PLEKHH2: variants seen among roughly 807,000 people sequenced by gnomAD.
PLEKHH2 encodes pleckstrin homology domain-containing family H member 2.
In PLEKHH2, 129 loss-of-function variants were observed where a neutral mutation model predicts 187.9. The ratio of observed to expected loss-of-function variants is 0.69; its 90% CI spans 0.59 to 0.79. PLEKHH2 has a LOEUF of 0.79. PLEKHH2 is among the 30% of genes least tolerant of loss of function. The pLI, the probability that PLEKHH2 is intolerant of heterozygous loss-of-function variation, is 0.00. For missense variants in PLEKHH2, 2,076 were observed against 1,751.2 expected (o/e 1.19, Z -3.31); for synonymous variants, 686 against 605.6 (o/e 1.13, Z -1.95).
At chr2:43,749,124 T>C (rs17414390) in intron 24 of PLEKHH2, among the ~76,000 whole-genome samples, 9,154 of 152,280 alleles carry the variant, frequency 0.06, 385 homozygotes, top group Non-Finnish European at 0.09. Flanking sequence ...ATGATGGCTA[T>C]GATTGGAACT....
At chr2:43,733,133 C>A (rs377504110) in intron 19 of PLEKHH2, among the ~76,000 whole-genome samples, 6 of 152,072 alleles carry the variant, frequency 3.9e-5, no homozygotes, top group Non-Finnish European at 8.8e-5. Flanking sequence ...AAGGCCGAGG[C>A]GGGCAGATCA....
chr2:43,729,828 A>G, intron 18 of PLEKHH2, 83 bp downstream of exon 18: 1 of 872,966 alleles, frequency 1.1e-6, no homozygotes. Flanking sequence ...TTTTCACTTA[A>G]TGGGTTCCTG....
rs767530815 is a variant in PLEKHH2, at chr2:43,710,535, C to T, written c.2261C>T (p.Ser754Phe). 1.9e-6 allele frequency: 3 copies of T among 1,597,036 alleles called. No homozygotes were observed. The African/African-American group carries it at 4.1e-5, about 22-fold the overall frequency. ...KPQGHIELSASCSILRGDNKQ... is the reference protein window; with the variant it reads ...KPQGHIELSAFCSILRGDNKQ... ...CAGGGCCATATTGAACTTAGTGCAT[C>T]CTGTAGTATTTTAAGAGGAGATAAC... The change falls in exon 14 of 30, where the codon TCC becomes TTC. Residue 754 changes from serine (S) to phenylalanine (F), a missense_variant. By Grantham distance (155) the Ser-to-Phe change is radical (BLOSUM62 -2). Coordinates refer to ENST00000282406, the MANE Select transcript of PLEKHH2 (RefSeq NM_172069.4).
chr2:43,731,966 C>T (rs1040967897), intron 19 of PLEKHH2, among the ~76,000 whole-genome samples: 1 of 152,130 alleles, frequency 6.6e-6, no homozygotes, highest in Non-Finnish European at 1.5e-5. Flanking sequence ...ATTTCTTATT[C>T]CTCAATCTCT....
intron 11 of PLEKHH2, 81 bp downstream of exon 11, chr2:43,707,626 TA>T: frequency 6.6e-7 from 1 of 1,518,320 alleles, no homozygotes; most frequent in Non-Finnish European, 8.9e-7. Context: ...ATTACAGGAT[TA>T]TTTTTTAAAT....
At chr2:43,735,477 T>C (rs967679644) in intron 19 of PLEKHH2, among the ~76,000 whole-genome samples, 1 of 152,136 alleles carries the variant, frequency 6.6e-6, no homozygotes, top group East Asian at 1.9e-4. Context: ...CAAAAATACA[T>C]TTATTTAAGA....
Position 43,753,642 on chromosome 2 carries a change from G to A in PLEKHH2, c.3677G>A (p.Arg1226His), listed in dbSNP as rs754075309. The change falls in exon 25 of 30, where the codon CGT becomes CAT. Residue 1226 changes from arginine (R) to histidine (H), a missense_variant. By Grantham distance (29) the Arg-to-His change is conservative (BLOSUM62 0). Coordinates refer to ENST00000282406, the MANE Select transcript of PLEKHH2 (RefSeq NM_172069.4). Reference sequence around the variant, plus strand: ...AGACTATATTTCTCAGTGCAAGCTCGTGGAGAGACTGATAGAGAAAAGTTG... The same window carrying A: ...AGACTATATTTCTCAGTGCAAGCTCATGGAGAGACTGATAGAGAAAAGTTG... ...KNRLYFSVQA[R>H]GETDREKLLL... 41 of 1,554,146 alleles carry A rather than the reference G, an allele frequency of 2.6e-5. No individual in the cohort carries two copies. Among genetic ancestry groups the A allele is most frequent in the Non-Finnish European group, 3.2e-5 (37 of 1,153,916 alleles).
chr2:43,678,679 C>G (rs562460057), intron 2 of PLEKHH2, among the ~76,000 whole-genome samples, 184 bp from the exon 3 acceptor site: 29 of 151,398 alleles, frequency 1.9e-4, no homozygotes, highest in Non-Finnish European at 3.1e-4. Context: ...AGCTTCGGCT[C>G]GGCATCAGAG....
At chr2:43,674,060 G>C (rs1298355842) in intron 2 of PLEKHH2, among the ~76,000 whole-genome samples, 1 of 152,158 alleles carries the variant, frequency 6.6e-6, no homozygotes, top group Non-Finnish European at 1.5e-5. Context: ...GCATGACAGA[G>C]AGCTTTGTCA....
At chr2:43,725,991 G>A (rs1670722525) in intron 16 of PLEKHH2, among the ~76,000 whole-genome samples, 1 of 151,322 alleles carries the variant, frequency 6.6e-6, no homozygotes, top group Non-Finnish European at 1.5e-5. Flanking sequence ...GGTGGCATGT[G>A]CCTGTAGTGC....
rs896492251 is a variant in PLEKHH2, at chr2:43,766,998, T to C, written c.*1400T>C. 6.5e-6 allele frequency: 1 copy of C among 152,794 alleles called. No homozygotes were observed. The highest frequency in any genetic ancestry group is 2.4e-5 in the African/African-American group (1 of 41,464). The allele number at this position is 152,794 out of a possible 1,614,324, so 9.5% of individuals were successfully genotyped here. The stretch of plus-strand genomic sequence containing the variant: ...TTAAATGCATTACTTTATTAGGTTA[T>C]GTAAGTGGTCAGTGCATTCCAGTAT... On this transcript the variant is annotated 3_prime_UTR_variant, in exon 30 of 30. Coordinates refer to ENST00000282406, the MANE Select transcript of PLEKHH2 (RefSeq NM_172069.4).
chr2:43,654,161 A>G (rs1327109726), intron 2 of PLEKHH2, among the ~76,000 whole-genome samples: 2 of 152,188 alleles, frequency 1.3e-5, no homozygotes, highest in Non-Finnish European at 2.9e-5. Context: ...ACTTTTATTA[A>G]TAAACCTTTT....
At chr2:43,650,166 T>TTTTTTTTTTTTTTTTTTTTTTTTTC in intron 2 of PLEKHH2, among the ~76,000 whole-genome samples, 1 of 133,004 alleles carries the variant, frequency 7.5e-6, no homozygotes, top group Non-Finnish European at 1.6e-5. Flanking sequence ...TTTTTTTTTT[T>TTTTTTTTTTTTTTTTTTTTTTTTTC]CTGAGATGGA....
At chr2:43,715,720 A>T (rs993233790) in intron 15 of PLEKHH2, among the ~76,000 whole-genome samples, 1 of 152,218 alleles carries the variant, frequency 6.6e-6, no homozygotes, top group African/African-American at 2.4e-5. Flanking sequence ...AGAGCTCAGG[A>T]AAGAGGAGCA....
intron 17 of PLEKHH2, among the ~76,000 whole-genome samples, chr2:43,727,249 C>T (rs6544696): frequency 0.8 from 120,932 of 151,744 alleles, 49,596 homozygotes; most frequent in African/African-American, 0.93. Flanking sequence ...TCTGTCTCTA[C>T]TAAAATACAA....
At chr2:43,697,407 T>G in intron 7 of PLEKHH2, 51 bp downstream of exon 7, 1 of 1,454,488 alleles carries the variant, frequency 6.9e-7, no homozygotes, top group Non-Finnish European at 9.4e-7. Flanking sequence ...AAAGGAAGAC[T>G]CATTTGCTAA....
intron 2 of PLEKHH2, among the ~76,000 whole-genome samples, chr2:43,673,714 G>C (rs562215997): frequency 6.6e-6 from 1 of 152,150 alleles, no homozygotes; most frequent in African/African-American, 2.4e-5. Context: ...TGAAATAAGT[G>C]TTGTATCATT....
At chr2:43,650,144 C>CT (rs70965311) in intron 2 of PLEKHH2, among the ~76,000 whole-genome samples, 23,207 of 95,850 alleles carry the variant, frequency 0.24, 3,321 homozygotes, top group Non-Finnish European at 0.29. Flanking sequence ...TTTTTCTTTC[C>CT]TTTTTTTTTT....
chr2:43,763,160 T>C (rs1215301346), intron 28 of PLEKHH2, among the ~76,000 whole-genome samples: 1 of 152,132 alleles, frequency 6.6e-6, no homozygotes, highest in East Asian at 1.9e-4. Context: ...AATGGATAAC[T>C]TGAAGATATT....
Sources: allele counts gnomAD v4.1 joint callset (sites outside exome capture counted in the v4.1 genomes callset), GRCh38; gene constraint gnomAD v4.1.1; transcripts MANE v1.5; gene names NCBI Gene and HGNC (gene_info 2026-07-23, HGNC 2026-07-21).